Variants in EPB41L5 observed in about 807,000 individuals in gnomAD.
EPB41L5 encodes band 4.1-like protein 5.
Under a neutral mutation model 106.6 loss-of-function variants are expected in EPB41L5, and 55 were observed. The observed-to-expected ratio is 0.52, with a 90% CI of 0.42 to 0.65. EPB41L5 has a LOEUF of 0.65. Ranked by LOEUF, EPB41L5 falls within the 30% of genes least tolerant of loss-of-function variation. EPB41L5 has a pLI of 0.00. For missense variants in EPB41L5, 871 were observed against 882.1 expected (o/e 0.99, Z 0.16); for synonymous variants, 297 against 306.7 (o/e 0.97, Z 0.33).
chr2:120,104,836 T>A, intron 16 of EPB41L5: 2 of 956,696 alleles, frequency 2.1e-6, no homozygotes, highest in Non-Finnish European at 2.5e-6. Flanking sequence ...GATTTAGAGA[T>A]CACATTAATA....
At chr2:120,051,562 G>A (rs1680289646) in intron 3 of EPB41L5, among the ~76,000 whole-genome samples, 1 of 152,164 alleles carries the variant, frequency 6.6e-6, no homozygotes, top group Non-Finnish European at 1.5e-5. Flanking sequence ...GTATTAGGTT[G>A]GGAGTTACCT....
chr2:120,066,045 T>C (rs1341429048), intron 3 of EPB41L5, among the ~76,000 whole-genome samples: 1 of 151,828 alleles, frequency 6.6e-6, no homozygotes, highest in Non-Finnish European at 1.5e-5. Flanking sequence ...CAGTAACATC[T>C]TGGGGAGGAG....
intron 1 of EPB41L5, among the ~76,000 whole-genome samples, chr2:120,015,400 C>T (rs1267709659): frequency 6.6e-6 from 1 of 151,932 alleles, no homozygotes; most frequent in African/African-American, 2.4e-5. Flanking sequence ...ACAGTTCCGC[C>T]TTAGCCTCCC....
At chr2:120,055,957 A>G (rs974839998) in intron 3 of EPB41L5, among the ~76,000 whole-genome samples, 2 of 152,160 alleles carry the variant, frequency 1.3e-5, no homozygotes, top group African/African-American at 4.8e-5. Flanking sequence ...TGCCCTGGCT[A>G]GAACCTTCAA....
intron 20 of EPB41L5, among the ~76,000 whole-genome samples, chr2:120,159,261 A>G (rs559910674): frequency 7.8e-6 from 1 of 127,624 alleles, no homozygotes; most frequent in Non-Finnish European, 1.7e-5. Flanking sequence ...CGTCTCTACT[A>G]AAAAAAAAAA....
chr2:120,164,290 C>G (rs1479074346), intron 21 of EPB41L5, among the ~76,000 whole-genome samples: 2 of 152,130 alleles, frequency 1.3e-5, no homozygotes, highest in Non-Finnish European at 2.9e-5. Context: ...TCTTGGCTCA[C>G]TGCAGCCTCT....
At chr2:120,145,814 C>T (rs1420680258) in intron 19 of EPB41L5, among the ~76,000 whole-genome samples, 1 of 151,884 alleles carries the variant, frequency 6.6e-6, no homozygotes, top group African/African-American at 2.4e-5. Context: ...GGTGTGGTGG[C>T]ACATACCTGT....
intron 16 of EPB41L5, chr2:120,103,990 C>A: frequency 6.9e-7 from 1 of 1,443,380 alleles, no homozygotes; most frequent in Non-Finnish European, 9.1e-7. Context: ...CCTTTATTGT[C>A]TCTTACACAT....
At chr2:120,057,501 G>A (rs1680739160) in intron 3 of EPB41L5, among the ~76,000 whole-genome samples, 1 of 152,158 alleles carries the variant, frequency 6.6e-6, no homozygotes, top group Non-Finnish European at 1.5e-5. Flanking sequence ...GCCCAACTAT[G>A]AATTCTCCAA....
At chr2:120,094,501 A>G (rs536591376) in intron 14 of EPB41L5, among the ~76,000 whole-genome samples, 2 of 146,390 alleles carry the variant, frequency 1.4e-5, no homozygotes, top group South Asian at 4.2e-4. Context: ...AAACTAGTCT[A>G]GCAAAAGGTT....
chr2:120,164,741 C>G, intron 21 of EPB41L5, 95 bp from the exon 22 acceptor site: 1 of 783,304 alleles, frequency 1.3e-6, no homozygotes, highest in South Asian at 1.7e-5. Flanking sequence ...CTAATCAGGC[C>G]TGTGTCAGAA....
At chr2:120,168,107 T>A in intron 24 of EPB41L5, 100 bp downstream of exon 24, 2 of 1,337,740 alleles carry the variant, frequency 1.5e-6, no homozygotes, top group South Asian at 1.5e-5. Context: ...AATTCTTCCC[T>A]AACTGAACTA....
At chr2:120,134,850 C>G (rs746462819) in intron 18 of EPB41L5, among the ~76,000 whole-genome samples, 2 of 152,070 alleles carry the variant, frequency 1.3e-5, no homozygotes, top group Non-Finnish European at 2.9e-5. Context: ...TAGAAACAAG[C>G]CCAGACTGCA....
intron 3 of EPB41L5, among the ~76,000 whole-genome samples, chr2:120,042,827 A>G (rs998835054): frequency 6.6e-6 from 1 of 152,108 alleles, no homozygotes; most frequent in Non-Finnish European, 1.5e-5. Flanking sequence ...TCCTTCAGGA[A>G]GTTTTTTGTA....
intron 1 of EPB41L5, among the ~76,000 whole-genome samples, chr2:120,015,803 A>G (rs1204793519): frequency 6.6e-6 from 1 of 150,950 alleles, no homozygotes; most frequent in Non-Finnish European, 1.5e-5. Context: ...AAAAAACGTT[A>G]GCCCGGTGGG....
intron 22 of EPB41L5, among the ~76,000 whole-genome samples, chr2:120,166,032 C>T (rs899845288): frequency 2.8e-5 from 4 of 144,784 alleles, no homozygotes; most frequent in Non-Finnish European, 4.5e-5. Flanking sequence ...AGTGATATGA[C>T]GAGAATTGCT....
chr2:120,030,897 A>G (rs1450140992), intron 2 of EPB41L5, among the ~76,000 whole-genome samples: 1 of 148,032 alleles, frequency 6.8e-6, no homozygotes, highest in Non-Finnish European at 1.5e-5. Flanking sequence ...TTATTTAGAG[A>G]CAGAGTTTCG....
intron 2 of EPB41L5, among the ~76,000 whole-genome samples, chr2:120,024,449 T>G (rs573830646): frequency 1.2e-3 from 177 of 152,262 alleles, no homozygotes; most frequent in African/African-American, 3.9e-3. Context: ...ATGTGGTTTT[T>G]TGTGTGTGTG....
intron 2 of EPB41L5, among the ~76,000 whole-genome samples, chr2:120,020,892 A>G (rs1677878134): frequency 6.6e-6 from 1 of 152,214 alleles, no homozygotes; most frequent in Non-Finnish European, 1.5e-5. Flanking sequence ...AAGTGGTGGA[A>G]CAAATGGCTA....
Sources: gnomAD v4.1 joint callset for allele counts (sites outside exome capture counted in the v4.1 genomes callset) on GRCh38, gnomAD v4.1.1 for gene constraint, MANE v1.5 for transcripts, NCBI Gene and HGNC (gene_info 2026-07-23, HGNC 2026-07-21) for gene names.